PTX3: variants seen among roughly 807,000 people sequenced by gnomAD.
PTX3 encodes the protein pentraxin-related protein PTX3.
Under a neutral mutation model 23.5 loss-of-function variants are expected in PTX3, and 24 were observed. The ratio of observed to expected loss-of-function variants is 1.02; its 90% CI spans 0.74 to 1.43. The LOEUF (loss-of-function observed/expected upper bound fraction) is 1.43. Among genes scored for constraint, PTX3 ranks in the 40% most tolerant of loss-of-function variants. The probability of loss-of-function intolerance (pLI) is 0.00; values close to 1 mark genes in which losing one functional copy is unlikely to be tolerated. For missense variants in PTX3, 510 were observed against 497.5 expected (o/e 1.02, Z -0.24); for synonymous variants, 218 against 205.4 (o/e 1.06, Z -0.53).
chr3:157,442,258 C>A, intron 2 of PTX3, 108 bp from the exon 3 acceptor site: 5 of 1,045,960 alleles, frequency 4.8e-6, no homozygotes, highest in South Asian at 1.8e-5. Flanking sequence ...TTTCACATAG[C>A]TTTCAATTGT....
Position 157,437,623 on chromosome 3 carries a change from C to T in PTX3, c.241C>T (p.Leu81=). 1 of 1,559,614 alleles carries T rather than the reference C, an allele frequency of 6.4e-7. No homozygotes were observed. The highest frequency in any genetic ancestry group is 8.7e-7 in the Non-Finnish European group (1 of 1,154,586). The part of the protein sequence containing the change: ...RMLLQATDDV[L]RGELQRLREE... The stretch of plus-strand genomic sequence containing the variant: ...GCTGCTGCAAGCCACGGACGACGTC[C>T]TGCGGGGCGAGCTGCAGAGGCTGCG... The change falls in exon 2 of 3, where the codon CTG becomes TTG. Residue 81 remains leucine (L), a synonymous_variant. Coordinates refer to ENST00000295927, the MANE Select transcript of PTX3 (RefSeq NM_002852.4).
At chr3:157,442,029 C>CT (rs1175302953) in intron 2 of PTX3, among the ~76,000 whole-genome samples, 2 of 151,950 alleles carry the variant, frequency 1.3e-5, no homozygotes, top group African/African-American at 4.8e-5. Context: ...AGTGATTCAA[C>CT]TTTTTTAAAA....
chr3:157,437,512 G>C lies in PTX3; in HGVS notation c.131-1G>C, dbSNP rs756169618. ...TAACGTGTGTGTATCCCGTACTCTA[G>C]CCACGCCGTGCGCCTGCGGTCAGGA... On this transcript the variant is annotated splice_acceptor_variant, in intron 1 of 2. Coordinates refer to ENST00000295927, the MANE Select transcript of PTX3 (RefSeq NM_002852.4). LOFTEE classifies it high-confidence loss of function. The C allele has an allele frequency of 1.1e-5, 17 of 1,603,378 alleles. 2 individuals are homozygous for C. In the South Asian group the frequency reaches 1.9e-4, roughly 18 times the overall value.
Position 157,437,839 on chromosome 3 carries a change from C to G in PTX3, c.457C>G (p.Leu153Val). Residue 153 changes from leucine (L) to valine (V), a missense_variant, in exon 2 of 3, where the codon CTA becomes GTA. Leu to Val is a conservative substitution (Grantham distance 32, BLOSUM62 1). Coordinates refer to ENST00000295927, the MANE Select transcript of PTX3 (RefSeq NM_002852.4). Reference sequence around the variant, plus strand: ...GGCGGGGCGCGCCCTGGCCGCGGTGCTAGAGGAGCTGCGGCAGACGCGAGC... The same window carrying G: ...GGCGGGGCGCGCCCTGGCCGCGGTGGTAGAGGAGCTGCGGCAGACGCGAGC... ...EEAGRALAAV[L>V]EELRQTRADL... The G allele has an allele frequency of 6.7e-7, 1 of 1,495,690 alleles. No homozygotes were observed. Among genetic ancestry groups the G allele is most frequent in the Non-Finnish European group, 8.8e-7 (1 of 1,132,298 alleles). The allele number at this position is 1,495,690 out of a possible 1,614,324, so 92.7% of individuals were successfully genotyped here.
Position 157,437,112 on chromosome 3 carries a change from CTCTTGG to C in PTX3, c.130+53_130+58del, listed in dbSNP as rs757894792. On this transcript the variant is annotated intron_variant, in intron 1 of 2. Coordinates refer to ENST00000295927, the MANE Select transcript of PTX3 (RefSeq NM_002852.4). ...CTGCTAACCCTGACTACATATCCAC[CTCTTGG>C]TCTAAATAACACACATATACTTTGT... is the stretch of plus-strand genomic sequence containing the variant. 18 of 1,598,000 alleles carry C rather than the reference CTCTTGG, an allele frequency of 1.1e-5. No homozygotes were observed. The African/African-American group carries it at 2.3e-4, about 20-fold the overall frequency.
intron 2 of PTX3, among the ~76,000 whole-genome samples, chr3:157,439,107 C>G (rs74901151): frequency 0.054 from 8,247 of 152,160 alleles, 307 homozygotes; most frequent in East Asian, 0.12. Flanking sequence ...GGAGAAAAAG[C>G]ATAAAATCAA....
At position 157,440,754 on chromosome 3, in the gene PTX3, G is replaced by A. The variant is rs144930896; in HGVS notation, c.533-1612G>A. ...TCCCAGGGACACGTAAAAGGTTTTC[G>A]TTTCAGCATCTCCAGCTTCCCAAAT... On this transcript the variant is annotated intron_variant, in intron 2 of 2. Transcript: ENST00000295927. 1.5e-3 allele frequency among the ~76,000 whole-genome samples: 228 copies of A among 152,072 alleles called. 1 individual carries two copies. The highest frequency in any genetic ancestry group is 5.2e-3 in the African/African-American group (216 of 41,484).
At chr3:157,437,254 CAT>C (rs1301134412) in intron 1 of PTX3, among the ~76,000 whole-genome samples, 191 bp downstream of exon 1, 1 of 152,158 alleles carries the variant, frequency 6.6e-6, no homozygotes, top group Non-Finnish European at 1.5e-5. Flanking sequence ...TGGGTTGAAT[CAT>C]ATCAAATCGT....
intron 2 of PTX3, among the ~76,000 whole-genome samples, chr3:157,441,109 C>A (rs1446500410): frequency 6.6e-6 from 1 of 152,148 alleles, no homozygotes; most frequent in East Asian, 1.9e-4. Context: ...GGTGCTCATC[C>A]AAAGTTGCAT....
intron 2 of PTX3, among the ~76,000 whole-genome samples, chr3:157,438,742 A>C (rs1236498465): frequency 8.5e-5 from 13 of 152,228 alleles, no homozygotes; most frequent in Non-Finnish European, 1.6e-4. Context: ...ATGGGTTCCC[A>C]AAATAATACA....
chr3:157,441,758 C>T (rs543065623), intron 2 of PTX3, among the ~76,000 whole-genome samples: 12 of 150,894 alleles, frequency 8.0e-5, no homozygotes, highest in Admixed American at 2.0e-4. Flanking sequence ...TGCCGTGAGT[C>T]GAGATCGCAC....
Position 157,437,918 on chromosome 3 carries a change from A to T in PTX3, c.532+4A>T, listed in dbSNP as rs1474288492. ...GCCCGGAGCTGGCTGCCGGCAGGTA[A>T]GGAGGCAAGCGGGGCCGGGACCTCC... On this transcript the variant is annotated splice_donor_region_variant and intron_variant, in intron 2 of 2. Transcript: ENST00000295927. The T allele has an allele frequency of 6.5e-7, 1 of 1,528,384 alleles. No individual in the cohort carries two copies. Among genetic ancestry groups the T allele is most frequent in the Non-Finnish European group, 8.7e-7 (1 of 1,145,596 alleles). The allele number at this position is 1,528,384 out of a possible 1,614,324, so 94.7% of individuals were successfully genotyped here.
chr3:157,441,624 A>C (rs1027405843), intron 2 of PTX3, among the ~76,000 whole-genome samples: 1 of 152,026 alleles, frequency 6.6e-6, no homozygotes, highest in Non-Finnish European at 1.5e-5. Flanking sequence ...CCTGGCCAAC[A>C]TGGTGAAACC....
Position 157,436,928 on chromosome 3 carries a change from C to T in PTX3, c.-6C>T, listed in dbSNP as rs1460296323. The T allele has an allele frequency of 1.2e-6, 2 of 1,612,794 alleles. No homozygotes were observed. The highest frequency in any genetic ancestry group is 4.5e-5 in the East Asian group (2 of 44,870). On this transcript the variant is annotated 5_prime_UTR_variant, in exon 1 of 3. Transcript: ENST00000295927. ...GCTGTGGAAAGAACTTTGCGTCTCT[C>T]CAGCAATGCATCTCCTTGCGATTCT...
chr3:157,440,093 A>AT (rs1293757385), intron 2 of PTX3, among the ~76,000 whole-genome samples: 1 of 152,128 alleles, frequency 6.6e-6, no homozygotes, highest in African/African-American at 2.4e-5. Flanking sequence ...GGATATGGTG[A>AT]TTTTTTTCAG....
intron 2 of PTX3, among the ~76,000 whole-genome samples, chr3:157,441,642 TA>T (rs142542337): frequency 1.2e-3 from 181 of 148,000 alleles, no homozygotes; most frequent in Middle Eastern, 0.01. Context: ...ACCCCGTGTC[TA>T]AAAAAAAAAT....
intron 2 of PTX3, among the ~76,000 whole-genome samples, chr3:157,438,854 G>C (rs1240100823): frequency 6.6e-6 from 1 of 152,190 alleles, no homozygotes; most frequent in Admixed American, 6.5e-5. Context: ...AATCATTTTG[G>C]ATTGTATTAG....
Position 157,442,832 on chromosome 3 carries a change from C to T in PTX3, c.999C>T (p.Leu333=). 1.9e-6 allele frequency: 3 copies of T among 1,614,172 alleles called. No homozygotes were observed. Among genetic ancestry groups the T allele is most frequent in the Non-Finnish European group, 2.5e-6 (3 of 1,180,030 alleles). The change falls in exon 3 of 3, where the codon CTC becomes CTT. Residue 333 remains leucine, a synonymous_variant. Coordinates refer to ENST00000295927, the MANE Select transcript of PTX3 (RefSeq NM_002852.4). ...AAACATTAGCCTTCTCTGGGAGACT[C>T]ACAGGCTTCAATATCTGGGATAGTG... The part of the protein sequence containing the change: ...FDETLAFSGR[L]TGFNIWDSVL...
At position 157,443,131 on chromosome 3, in the gene PTX3, A is replaced by G. The variant is rs113483586; in HGVS notation, c.*152A>G. On this transcript the variant is annotated 3_prime_UTR_variant, in exon 3 of 3. Coordinates refer to ENST00000295927, the MANE Select transcript of PTX3 (RefSeq NM_002852.4). Reference sequence around the variant, plus strand: ...CAATCTTTATTTGTACTGGCCAAATACTGAATAAACAGTTGAAGGAAAGAC... The same window carrying G: ...CAATCTTTATTTGTACTGGCCAAATGCTGAATAAACAGTTGAAGGAAAGAC... The G allele has an allele frequency of 6.1e-5, 53 of 866,556 alleles. 3 individuals are homozygous for G. The highest frequency in any genetic ancestry group is 5.1e-4 in the African/African-American group (30 of 59,094). 53.7% of individuals were successfully genotyped at this position (866,556 alleles called of 1,614,324 possible).
Sources: gnomAD v4.1 joint callset for allele counts (sites outside exome capture counted in the v4.1 genomes callset) on GRCh38, gnomAD v4.1.1 for gene constraint, MANE v1.5 for transcripts, NCBI Gene and HGNC (gene_info 2026-07-23, HGNC 2026-07-21) for gene names.